The following WSB2 variants were observed in gnomAD, a reference collection of about 807,000 sequenced individuals.
The protein encoded by WSB2 is WD repeat and SOCS box-containing protein 2.
WSB2 carries 12 observed loss-of-function variants against 48.8 expected under a neutral mutation model. The ratio of observed to expected loss-of-function variants is 0.25; its 90% CI spans 0.16 to 0.40. The LOEUF (loss-of-function observed/expected upper bound fraction) is 0.40, where lower values mean the gene tolerates loss of function less well. Ranked by LOEUF, WSB2 falls within the 10% of genes least tolerant of loss-of-function variation. WSB2 has a pLI of 1.00. For missense variants in WSB2, 317 were observed against 506.2 expected (o/e 0.63, Z 3.59); for synonymous variants, 191 against 203.1 (o/e 0.94, Z 0.51).
chr12:118,046,764 T>G (rs2031755283), intron 2 of WSB2, among the ~76,000 whole-genome samples: 1 of 152,142 alleles, frequency 6.6e-6, no homozygotes, highest in Non-Finnish European at 1.5e-5. Flanking sequence ...TTTCTGTATT[T>G]GTTTTATTTA....
intron 5 of WSB2, 91 bp downstream of exon 5, chr12:118,038,197 G>A (rs776173513): frequency 9.6e-6 from 12 of 1,255,988 alleles, no homozygotes; most frequent in Non-Finnish European, 1.2e-5. Flanking sequence ...GGGTGGATTT[G>A]CGGACGATTT....
upstream of WSB2, chr12:118,061,264 A>C: frequency 1.8e-5 from 14 of 774,084 alleles, no homozygotes; most frequent in Non-Finnish European, 2.0e-5. Flanking sequence ...CGGGATAAAA[A>C]CGGTGGGGGG....
At chr12:118,045,888 ACT>A (rs926658632) in intron 2 of WSB2, among the ~76,000 whole-genome samples, 80 of 151,716 alleles carry the variant, frequency 5.3e-4, no homozygotes, top group African/African-American at 1.9e-3. Flanking sequence ...CCACCATTCT[ACT>A]CTCTGTTTCT....
Position 118,060,922 on chromosome 12 carries a change from C to T in WSB2, c.13+114G>A, listed in dbSNP as rs2032050296. 1 of 442,998 alleles carries T rather than the reference C, an allele frequency of 2.3e-6. No homozygotes were observed. The highest frequency in any genetic ancestry group is 3.0e-6 in the Non-Finnish European group (1 of 334,514). The allele number at this position is 442,998 out of a possible 1,614,324, so 27.4% of individuals were successfully genotyped here. ...CCTCCCAGGCCGGACGCCCCCGCCG[C>T]GTCCAGCCCCCGCCCCACCCCGCCC... On this transcript the variant is annotated intron_variant, in intron 1 of 8. Coordinates refer to ENST00000315436, the MANE Select transcript of WSB2 (RefSeq NM_018639.5). The surrounding 1 kb of genome is among the most constrained non-coding windows in gnomAD (Gnocchi z 4.1).
intron 4 of WSB2, among the ~76,000 whole-genome samples, chr12:118,038,692 T>C (rs1395291473): frequency 3.3e-5 from 5 of 152,220 alleles, no homozygotes; most frequent in Non-Finnish European, 7.3e-5. Context: ...TGTTTGTTTC[T>C]GAGATGGAGT....
In WSB2 at chr12:118,042,836, C is replaced by CTATGGG; in HGVS notation, c.559+4_559+5insCCCATA. 1 of 1,613,780 alleles carries CTATGGG rather than the reference C, an allele frequency of 6.2e-7. No individual in the cohort carries two copies. The highest frequency in any genetic ancestry group is 8.5e-7 in the Non-Finnish European group (1 of 1,179,846). On this transcript the variant is annotated splice_donor_region_variant and intron_variant, in intron 4 of 8. Transcript: ENST00000315436. ...GTTGCCGAGTAGTTCCTTCACTTCC[C>CTATGGG]ATACCGTGTTTATTCAGGTCCCAGA... is the stretch of plus-strand genomic sequence containing the variant.
intron 4 of WSB2, chr12:118,042,421 G>C (rs79113900): frequency 9.5e-4 from 170 of 179,118 alleles, no homozygotes; most frequent in African/African-American, 4.0e-3. Flanking sequence ...GGGTTATCCA[G>C]CCCAAAATAT....
chr12:118,054,989 G>T (rs1220040852), intron 1 of WSB2, among the ~76,000 whole-genome samples: 1 of 147,712 alleles, frequency 6.8e-6, no homozygotes, highest in Non-Finnish European at 1.5e-5. Flanking sequence ...GACCAGCCTG[G>T]TCAACATGGT....
At chr12:118,041,701 G>A (rs574590451) in intron 4 of WSB2, among the ~76,000 whole-genome samples, 1 of 151,264 alleles carries the variant, frequency 6.6e-6, no homozygotes, top group Admixed American at 6.6e-5. Context: ...TCCAGGGCTG[G>A]AGGAATTGAA....
intron 1 of WSB2, among the ~76,000 whole-genome samples, chr12:118,056,464 T>C (rs574649971): frequency 1.3e-5 from 2 of 152,302 alleles, no homozygotes; most frequent in Admixed American, 6.5e-5. Context: ...GCCATCTGTC[T>C]CCCCTCCACT....
In WSB2 at chr12:118,038,330, G is replaced by A; in HGVS notation, c.618C>T (p.Ser206=). The change falls in exon 5 of 9, where the codon TCC becomes TCT. Residue 206 remains serine (S), a synonymous_variant. Transcript: ENST00000315436. ...CAGAGCACAGCATGCTGCAGTCTGG[G>A]GAGATGGAACAGCAGTAAACCCACT... ...HLQWVYCCSI[S]PDCSMLCSAA... 6.2e-7 allele frequency: 1 copy of A among 1,614,140 alleles called. No homozygotes were observed. The highest frequency in any genetic ancestry group is 8.5e-7 in the Non-Finnish European group (1 of 1,180,040).
intron 4 of WSB2, among the ~76,000 whole-genome samples, chr12:118,040,989 C>T (rs953077915): frequency 6.6e-6 from 1 of 152,234 alleles, no homozygotes; most frequent in Non-Finnish European, 1.5e-5. Context: ...GCGGAGGTTG[C>T]AGTGAGCTGA....
At chr12:118,057,400 G>A (rs148518097) in intron 1 of WSB2, among the ~76,000 whole-genome samples, 2,042 of 151,844 alleles carry the variant, frequency 0.013, 49 homozygotes, top group African/African-American at 0.048. Context: ...TCAGCCTCCC[G>A]AGTAGCTAGA....
rs776950499 is a variant in WSB2, at chr12:118,043,335, A to G, written c.225T>C (p.Asn75=). 9 of 1,593,554 alleles carry G rather than the reference A, an allele frequency of 5.6e-6. No individual in the cohort carries two copies. The highest frequency in any genetic ancestry group is 5.1e-6 in the Non-Finnish European group (6 of 1,170,382). The change falls in exon 3 of 9, where the codon AAT becomes AAC. Residue 75 remains asparagine, a synonymous_variant. Coordinates refer to ENST00000315436, the MANE Select transcript of WSB2 (RefSeq NM_018639.5). ...GFEAKSRSSK[N]ETKGRGSPKE... is the part of the protein sequence containing the mutation. ...TTGGGCTGCCCCGCCCTTTCGTCTC[A>G]TTTTTGCTACTTCGGCTTTTGGCTT...
At chr12:118,038,464 G>GA in intron 4 of WSB2, 76 bp from the exon 5 acceptor site, 8 of 1,408,718 alleles carry the variant, frequency 5.7e-6, no homozygotes, top group Non-Finnish European at 7.9e-6. Context: ...GAACTGGGGT[G>GA]GTAACAGCCC....
At position 118,061,077 on chromosome 12, in the gene WSB2, C is replaced by A. The variant is rs1385880838; in HGVS notation, c.-29G>T. 3 of 982,326 alleles carry A rather than the reference C, an allele frequency of 3.1e-6. No homozygotes were observed. The highest frequency in any genetic ancestry group is 1.8e-5 in the African/African-American group (1 of 56,502). The allele number at this position is 982,326 out of a possible 1,614,324, so 60.9% of individuals were successfully genotyped here. On this transcript the variant is annotated 5_prime_UTR_variant, in exon 1 of 9. Transcript: ENST00000315436. Reference sequence around the variant, plus strand: ...GGACGCGAGCGGCCCCCGCGGCAGGCGGCGGGCGCCTCAGCCCCCCGGGCC... The same window carrying A: ...GGACGCGAGCGGCCCCCGCGGCAGGAGGCGGGCGCCTCAGCCCCCCGGGCC...
chr12:118,061,757 G>T (rs1277501119), upstream of WSB2, among the ~76,000 whole-genome samples: 1 of 147,436 alleles, frequency 6.8e-6, no homozygotes, highest in Non-Finnish European at 1.5e-5. Context: ...AGGCCGATGA[G>T]GGGGGAAACG....
At chr12:118,049,123 G>A (rs1026873951) in intron 2 of WSB2, among the ~76,000 whole-genome samples, 3 of 152,192 alleles carry the variant, frequency 2.0e-5, no homozygotes, top group Admixed American at 6.5e-5. Context: ...TTACTTACAT[G>A]TCAAGTCTAG....
chr12:118,061,424 G>A (rs1475923090), upstream of WSB2, among the ~76,000 whole-genome samples: 2 of 150,580 alleles, frequency 1.3e-5, no homozygotes, highest in Non-Finnish European at 3.0e-5. Context: ...AACGGGGTGG[G>A]GCGCGAACGG....
Sources: gnomAD v4.1 joint callset for allele counts (sites outside exome capture counted in the v4.1 genomes callset) on GRCh38, gnomAD v4.1.1 for gene constraint, Gnocchi (gnomAD v3.1) non-coding constraint, MANE v1.5 for transcripts, NCBI Gene and HGNC (gene_info 2026-07-23, HGNC 2026-07-21) for gene names.